Variants in NR1D2 observed in about 807,000 individuals in gnomAD.
The protein encoded by NR1D2 is nuclear receptor subfamily 1 group D member 2.
A neutral mutation model predicts 52.2 loss-of-function variants in NR1D2; 25 were observed. That is an observed-to-expected ratio of 0.48 (90% CI 0.35 to 0.67). The LOEUF (loss-of-function observed/expected upper bound fraction) is 0.67, where lower values mean the gene tolerates loss of function less well. Ranked by LOEUF, NR1D2 falls within the 30% of genes least tolerant of loss-of-function variation. The pLI is 0.01. For synonymous variants in NR1D2, 259 were observed against 230.1 expected (o/e 1.13, Z -1.14); for missense variants, 681 against 707.2 (o/e 0.96, Z 0.42).
rs1419959998 is a variant in NR1D2 at position 23,980,415 on chromosome 3, ATAAAACT to A, written c.*2998_*3004del. ...AGATTGACTGGATTCGATCCAAAAG[ATAAAACT>A]TGAAGCTATTCTGGAACTAACATGG... On this transcript the variant is annotated 3_prime_UTR_variant, in exon 8 of 8. Transcript: ENST00000312521. 1 of 152,066 alleles carries A rather than the reference ATAAAACT, an allele frequency of 6.6e-6. No individual in the cohort carries two copies. Among genetic ancestry groups the A allele is most frequent in the Non-Finnish European group, 1.5e-5 (1 of 67,992 alleles). 9.4% of individuals were successfully genotyped at this position (152,066 alleles called of 1,614,324 possible).
At chr3:23,964,766 T>C in intron 5 of NR1D2, 1 of 415,590 alleles carries the variant, frequency 2.4e-6, no homozygotes, top group Non-Finnish European at 4.2e-6. Flanking sequence ...TTTTTTTTAA[T>C]GATAAGTTAA....
At chr3:23,955,087 C>T (rs553623465) in intron 2 of NR1D2, among the ~76,000 whole-genome samples, 3 of 152,326 alleles carry the variant, frequency 2.0e-5, no homozygotes, top group East Asian at 1.9e-4. Context: ...AGTTACTTTT[C>T]TTCTGAACTA....
rs1457277715 is a variant in NR1D2, at chr3:23,979,332, A to T, written c.*1913A>T. The stretch of plus-strand genomic sequence containing the variant: ...TACATGATAGCATTATCTTTTTATA[A>T]TTTTTTTTCCTAAGATAAACAAATG... On this transcript the variant is annotated 3_prime_UTR_variant, in exon 8 of 8. Coordinates refer to ENST00000312521, the MANE Select transcript of NR1D2 (RefSeq NM_005126.5). 2.0e-5 allele frequency: 3 copies of T among 151,882 alleles called. No homozygotes were observed. The highest frequency in any genetic ancestry group is 4.4e-5 in the Non-Finnish European group (3 of 67,852). The allele number at this position is 151,882 out of a possible 1,614,324, so 9.4% of individuals were successfully genotyped here. A position where few individuals can be genotyped will look rare whatever the true frequency, so the allele number is the denominator to read the frequency against.
chr3:23,963,504 C>T lies in NR1D2; in HGVS notation c.1146+899C>T, dbSNP rs146536207. 707 of 625,540 alleles carry T rather than the reference C, an allele frequency of 1.1e-3. 4 individuals are homozygous for T. The African/African-American group carries it at 0.014, about 12-fold the overall frequency. The allele number at this position is 625,540 out of a possible 1,614,324, so 38.7% of individuals were successfully genotyped here. Reference sequence around the variant, plus strand: ...TTGCTCTGTTGCCCAGGCTGGAGTGCGGTGGCGCGACCTCAGCTCATTGCA... The same window carrying T: ...TTGCTCTGTTGCCCAGGCTGGAGTGTGGTGGCGCGACCTCAGCTCATTGCA... On this transcript the variant is annotated intron_variant, in intron 5 of 7. Coordinates refer to ENST00000312521, the MANE Select transcript of NR1D2 (RefSeq NM_005126.5).
At chr3:23,947,526 C>T (rs1705777042) in intron 1 of NR1D2, among the ~76,000 whole-genome samples, 2 of 152,204 alleles carry the variant, frequency 1.3e-5, no homozygotes, top group East Asian at 3.8e-4. Flanking sequence ...CCAAGTTGCC[C>T]TCTTTGTCTT....
At chr3:23,960,743 T>C (rs1051100438) in intron 4 of NR1D2, among the ~76,000 whole-genome samples, 1 of 152,244 alleles carries the variant, frequency 6.6e-6, no homozygotes, top group Non-Finnish European at 1.5e-5. Context: ...TTGATGGATA[T>C]TGTGATTGCC....
In NR1D2 at chr3:23,959,537, A is replaced by G. The variant is rs921162508; in HGVS notation, c.373-134A>G. Reference sequence around the variant, plus strand: ...TGTATTTCCCTCTGTCCTAAGACATAGTGTTTCCCAGATAGTGAGTCATAT... The same window carrying G: ...TGTATTTCCCTCTGTCCTAAGACATGGTGTTTCCCAGATAGTGAGTCATAT... On this transcript the variant is annotated intron_variant, in intron 3 of 7. Coordinates refer to ENST00000312521, the MANE Select transcript of NR1D2 (RefSeq NM_005126.5). 7.0e-5 allele frequency: 52 copies of G among 738,894 alleles called. No individual in the cohort carries two copies. In the African/African-American group the frequency reaches 8.9e-4, roughly 13 times the overall value. The allele number at this position is 738,894 out of a possible 1,614,324, so 45.8% of individuals were successfully genotyped here.
chr3:23,971,208 A>G (rs1324294638), intron 7 of NR1D2, among the ~76,000 whole-genome samples: 2 of 151,582 alleles, frequency 1.3e-5, no homozygotes. Context: ...CCCCAGCCTT[A>G]TTCCTCAGAA....
intron 2 of NR1D2, among the ~76,000 whole-genome samples, chr3:23,955,532 AAAG>A (rs1706059909): frequency 6.6e-6 from 1 of 152,192 alleles, no homozygotes; most frequent in Non-Finnish European, 1.5e-5. Flanking sequence ...GTTGTATTTA[AAAG>A]AAAATTATGG....
chr3:23,967,220 G>A (rs911878017), intron 6 of NR1D2, among the ~76,000 whole-genome samples: 1 of 152,178 alleles, frequency 6.6e-6, no homozygotes, highest in Non-Finnish European at 1.5e-5. Flanking sequence ...CTAGTTGGGA[G>A]GCTGAGGCAG....
intron 7 of NR1D2, among the ~76,000 whole-genome samples, chr3:23,969,334 A>G (rs983752944): frequency 2.6e-5 from 4 of 152,148 alleles, no homozygotes; most frequent in African/African-American, 9.7e-5. Context: ...TTATTTGTAT[A>G]ATTTTGAGGA....
chr3:23,977,145 TAAGC>T (rs1706750228), intron 7 of NR1D2, 74 bp from the exon 8 acceptor site: 12 of 830,598 alleles, frequency 1.4e-5, no homozygotes, highest in East Asian at 3.0e-5. Flanking sequence ...GTGACACTGA[TAAGC>T]AAGAATTTTA....
At position 23,955,853 on chromosome 3, in the gene NR1D2, A is replaced by G. The variant is rs939797494; in HGVS notation, c.284-184A>G. Among the ~76,000 whole-genome samples the G allele has an allele frequency of 5.3e-4, 81 of 152,272 alleles. 1 individual carries two copies. The highest frequency in any genetic ancestry group is 5.9e-4 in the Admixed American group (9 of 15,292). ...CAAAACAAAGCAAAACAAAAAAAAA[A>G]CACCGTAAGAAAATTATGATTGTGA... On this transcript the variant is annotated intron_variant, in intron 2 of 7. Transcript: ENST00000312521.
chr3:23,960,208 A>C (rs1575152287), intron 4 of NR1D2, among the ~76,000 whole-genome samples: 2 of 152,296 alleles, frequency 1.3e-5, no homozygotes, highest in African/African-American at 4.8e-5. Context: ...CAGGAGTTCC[A>C]GACCAGCCAT....
chr3:23,954,542 G>A lies in NR1D2; in HGVS notation c.22G>A (p.Val8Met), dbSNP rs761796957. Reference sequence around the variant, plus strand: ...ATTTTCCTCCTATTTTCTAGGAGGTGTGATTGCCTATATCAGTTCTTCCAG... The same window carrying A: ...ATTTTCCTCCTATTTTCTAGGAGGTATGATTGCCTATATCAGTTCTTCCAG... MEVNAGG[V>M]IAYISSSSSA... is the part of the protein sequence containing the mutation. Residue 8 changes from valine to methionine, a missense_variant, in exon 2 of 8, where the codon GTG becomes ATG. Physicochemically the swap from Val to Met is conservative, Grantham distance 21. This residue lies in a region of NR1D2 where 94 missense variants were observed against 90.4 expected (regional missense o/e 1.04). Transcript: ENST00000312521. 1 of 1,612,160 alleles carries A rather than the reference G, an allele frequency of 6.2e-7. No individual in the cohort carries two copies. The highest frequency in any genetic ancestry group is 1.3e-5 in the African/African-American group (1 of 74,982).
Position 23,979,052 on chromosome 3 carries a change from G to A in NR1D2, c.*1633G>A, listed in dbSNP as rs969436306. ...AAAATTGCAAAAATGATAACAGCCCGCTTTACTGTACTAAGCCTGTTACTT... is the reference window on the plus strand; with the variant it reads ...AAAATTGCAAAAATGATAACAGCCCACTTTACTGTACTAAGCCTGTTACTT... On this transcript the variant is annotated 3_prime_UTR_variant, in exon 8 of 8. Transcript: ENST00000312521. The A allele has an allele frequency of 8.5e-5, 13 of 152,088 alleles. No individual in the cohort carries two copies. Among genetic ancestry groups the A allele is most frequent in the Middle Eastern group, 3.4e-3 (1 of 294 alleles). The allele number at this position is 152,088 out of a possible 1,614,324, so 9.4% of individuals were successfully genotyped here.
intron 7 of NR1D2, among the ~76,000 whole-genome samples, chr3:23,972,590 T>G (rs1706619017): frequency 6.6e-6 from 1 of 152,196 alleles, no homozygotes; most frequent in Non-Finnish European, 1.5e-5. Flanking sequence ...TAGAGATTTT[T>G]GTTGAAGGTT....
At chr3:23,961,824 A>G (rs1159124240) in intron 4 of NR1D2, among the ~76,000 whole-genome samples, 153 bp from the exon 5 acceptor site, 1 of 152,206 alleles carries the variant, frequency 6.6e-6, no homozygotes, top group African/African-American at 2.4e-5. Flanking sequence ...CATCAAGACC[A>G]GCAAGTTTAG....
rs1559331022 is a variant in NR1D2, at chr3:23,954,618, T to G, written c.98T>G (p.Phe33Cys). Residue 33 changes from phenylalanine to cysteine, a missense_variant, in exon 2 of 8, where the codon TTC becomes TGC. By Grantham distance (205) the Phe-to-Cys change is radical. Around this residue, in one of 3 missense-constraint regions of NR1D2, gnomAD observed 94 missense variants for 90.4 expected, o/e 1.04. Transcript: ENST00000312521. Reference sequence around the variant, plus strand: ...CACAGTGAGGGTTCTGAGAATAGTTTCCAGTCCTCCTCCTCTTCTGTTCCA... The same window carrying G: ...CACAGTGAGGGTTCTGAGAATAGTTGCCAGTCCTCCTCCTCTTCTGTTCCA... ...SCHSEGSENS[F>C]QSSSSSVPSS... 1 of 1,614,088 alleles carries G rather than the reference T, an allele frequency of 6.2e-7. No homozygotes were observed. The highest frequency in any genetic ancestry group is 8.5e-7 in the Non-Finnish European group (1 of 1,179,918).
Sources: gnomAD v4.1 joint callset for allele counts (sites outside exome capture counted in the v4.1 genomes callset) on GRCh38, gnomAD v4.1.1 for gene constraint, gnomAD v4.1.1 regional missense constraint, MANE v1.5 for transcripts, NCBI Gene and HGNC (gene_info 2026-07-23, HGNC 2026-07-21) for gene names.